Variants in TMEM132C observed in about 807,000 individuals in gnomAD.
The protein encoded by TMEM132C is transmembrane protein 132C, also known as protein phosphatase 1, regulatory subunit 152.
In TMEM132C, 29 loss-of-function variants were observed where a neutral mutation model predicts 61.4. The observed-to-expected ratio is 0.47, with a 90% CI of 0.35 to 0.64. TMEM132C has a LOEUF of 0.64. Ranked by LOEUF, TMEM132C falls within the 30% of genes least tolerant of loss-of-function variation. The probability of loss-of-function intolerance (pLI) is 0.00; values close to 1 mark genes in which losing one functional copy is unlikely to be tolerated. For missense variants in TMEM132C, 1,408 were observed against 1,476.9 expected, an observed-to-expected ratio of 0.95 and a Z score of 0.76; for synonymous variants, 656 against 633.1, an observed-to-expected ratio of 1.04 and a Z score of -0.54.
intron 4 of TMEM132C, among the ~76,000 whole-genome samples, chr12:128,621,400 T>C (rs56088049): frequency 0.044 from 6,694 of 152,182 alleles, 201 homozygotes; most frequent in Non-Finnish European, 0.069. Context: ...GATTTGAACA[T>C]GGAGGATACA....
At position 128,636,459 on chromosome 12, in the gene TMEM132C, G is replaced by A. The variant is rs183132292; in HGVS notation, c.1305+20124G>A. Reference sequence around the variant, plus strand: ...TCAATTTGGACATGCACATCTACCTGTGAAATGGTCATTACAATCAAGGTA... The same window carrying A: ...TCAATTTGGACATGCACATCTACCTATGAAATGGTCATTACAATCAAGGTA... On this transcript the variant is annotated intron_variant, in intron 4 of 8. Coordinates refer to ENST00000435159, the MANE Select transcript of TMEM132C (RefSeq NM_001136103.3). Among the ~76,000 whole-genome samples, 3 of 152,242 alleles carry A rather than the reference G, an allele frequency of 2.0e-5. No individual in the cohort carries two copies. In the East Asian group the frequency reaches 5.8e-4, roughly 29 times the overall value.
chr12:128,324,284 C>T lies in TMEM132C; in HGVS notation c.85+56797C>T, dbSNP rs145110560. 3.3e-3 allele frequency among the ~76,000 whole-genome samples: 509 copies of T among 152,274 alleles called. 4 individuals are homozygous for T. The highest frequency in any genetic ancestry group is 0.012 in the African/African-American group (498 of 41,546). Reference sequence around the variant, plus strand: ...TCAAATTTTCAGCTTATAAAACCAACATAACATGTAAAGTATGACATGCAA... The same window carrying T: ...TCAAATTTTCAGCTTATAAAACCAATATAACATGTAAAGTATGACATGCAA... On this transcript the variant is annotated intron_variant, in intron 1 of 8. Transcript: ENST00000435159.
chr12:128,573,153 A>G (rs1360627345), intron 3 of TMEM132C, among the ~76,000 whole-genome samples: 1 of 152,228 alleles, frequency 6.6e-6, no homozygotes, highest in Non-Finnish European at 1.5e-5. Flanking sequence ...ACATGCACAT[A>G]TATGTTTATT....
intron 4 of TMEM132C, among the ~76,000 whole-genome samples, chr12:128,632,102 A>G (rs1457860871): frequency 6.6e-6 from 1 of 152,206 alleles, no homozygotes; most frequent in Non-Finnish European, 1.5e-5. Context: ...ACCGATCTCT[A>G]TTGATCAGAG....
intron 1 of TMEM132C, among the ~76,000 whole-genome samples, chr12:128,370,971 T>C (rs1394597822): frequency 6.6e-6 from 1 of 152,188 alleles, no homozygotes; most frequent in African/African-American, 2.4e-5. Flanking sequence ...AGGTAAGTCT[T>C]ATTACTGCCC....
At chr12:128,478,838 G>C (rs980560073) in intron 2 of TMEM132C, among the ~76,000 whole-genome samples, 1 of 152,172 alleles carries the variant, frequency 6.6e-6, no homozygotes, top group African/African-American at 2.4e-5. Context: ...TCACGACAGC[G>C]CCTGCCTGTC....
intron 2 of TMEM132C, among the ~76,000 whole-genome samples, chr12:128,473,741 C>T (rs544358266): frequency 1.4e-5 from 2 of 147,286 alleles, no homozygotes; most frequent in African/African-American, 5.0e-5. Flanking sequence ...TTCACTTCAG[C>T]CTCTGTCTTC....
At chr12:128,465,201 CTT>C (rs776251493) in intron 2 of TMEM132C, among the ~76,000 whole-genome samples, 20 of 140,202 alleles carry the variant, frequency 1.4e-4, no homozygotes, top group Non-Finnish European at 7.8e-5. Context: ...TTCTTCATTT[CTT>C]TTTTTTTTTT....
rs904600946 is a variant in TMEM132C, at chr12:128,511,424, A to G, written c.975-32533A>G. ...CCATCGTTAGGTTTGACAGTTCTCC[A>G]TAGAGGGATTCACAGAACTCACCAA... is the stretch of plus-strand genomic sequence containing the variant. On this transcript the variant is annotated intron_variant, in intron 2 of 8. Transcript: ENST00000435159. Among the ~76,000 whole-genome samples the G allele has an allele frequency of 8.5e-5, 13 of 152,328 alleles. No individual in the cohort carries two copies. The South Asian group carries it at 1.9e-3, about 22-fold the overall frequency.
intron 4 of TMEM132C, among the ~76,000 whole-genome samples, chr12:128,663,434 T>C (rs1325916856): frequency 6.6e-6 from 1 of 152,224 alleles, no homozygotes; most frequent in African/African-American, 2.4e-5. Context: ...TGTGGCTGAA[T>C]AGTCTTCCGT....
At chr12:128,456,156 C>T (rs1347397323) in intron 2 of TMEM132C, among the ~76,000 whole-genome samples, 4 of 151,978 alleles carry the variant, frequency 2.6e-5, no homozygotes, top group African/African-American at 7.3e-5. Context: ...CTACACACCA[C>T]GTGGGCTCTT....
At chr12:128,459,544 T>C (rs1229002617) in intron 2 of TMEM132C, among the ~76,000 whole-genome samples, 2 of 151,990 alleles carry the variant, frequency 1.3e-5, no homozygotes, top group African/African-American at 2.4e-5. Flanking sequence ...AGTGGTGTCA[T>C]TGGTGAAAAT....
At chr12:128,283,064 C>A (rs545001940) in intron 1 of TMEM132C, among the ~76,000 whole-genome samples, 1 of 152,182 alleles carries the variant, frequency 6.6e-6, no homozygotes, top group African/African-American at 2.4e-5. Context: ...TCAGAGTCTA[C>A]GTGATGATCC....
chr12:128,532,117 G>A (rs1406973924), intron 2 of TMEM132C, among the ~76,000 whole-genome samples: 1 of 152,206 alleles, frequency 6.6e-6, no homozygotes, highest in Non-Finnish European at 1.5e-5. Flanking sequence ...GTGCTTGCCA[G>A]TGTTGCACGC....
intron 1 of TMEM132C, among the ~76,000 whole-genome samples, chr12:128,284,743 A>T (rs924482711): frequency 9.2e-5 from 14 of 152,226 alleles, no homozygotes; most frequent in Non-Finnish European, 7.3e-5. Context: ...AATTGGAATT[A>T]TGTAAAATAA....
intron 4 of TMEM132C, among the ~76,000 whole-genome samples, chr12:128,619,705 TGA>T (rs573279635): frequency 1.0e-3 from 152 of 152,126 alleles, no homozygotes; most frequent in Non-Finnish European, 1.7e-3. Context: ...GGGGATGGGG[TGA>T]GAGAGGTATC....
At chr12:128,331,160 C>T (rs1872656472) in intron 1 of TMEM132C, among the ~76,000 whole-genome samples, 1 of 151,944 alleles carries the variant, frequency 6.6e-6, no homozygotes, top group Non-Finnish European at 1.5e-5. Flanking sequence ...TTCTCTACTC[C>T]TTCCAACAGT....
intron 4 of TMEM132C, among the ~76,000 whole-genome samples, chr12:128,666,416 G>A (rs1040246761): frequency 1.3e-5 from 2 of 152,166 alleles, no homozygotes; most frequent in African/African-American, 4.8e-5. Flanking sequence ...CTCCAGAACT[G>A]TAAGAAACAA....
At chr12:128,491,335 C>T (rs1342410572) in intron 2 of TMEM132C, among the ~76,000 whole-genome samples, 1 of 152,164 alleles carries the variant, frequency 6.6e-6, no homozygotes, top group Non-Finnish European at 1.5e-5. Flanking sequence ...GCAATTTGGG[C>T]ATCTAAATCC....
Sources: allele counts gnomAD v4.1 joint callset (sites outside exome capture counted in the v4.1 genomes callset), GRCh38; gene constraint gnomAD v4.1.1; transcripts MANE v1.5; gene names NCBI Gene and HGNC (gene_info 2026-07-23, HGNC 2026-07-21).